PPFIA2: variants seen among roughly 807,000 people sequenced by gnomAD.
The protein encoded by PPFIA2 is PPFI scaffold protein A2.
In PPFIA2, 46 loss-of-function variants were observed where a neutral mutation model predicts 175.5. The observed-to-expected ratio is 0.26, with a 90% CI of 0.21 to 0.34. The LOEUF (loss-of-function observed/expected upper bound fraction) is 0.34, where lower values mean the gene tolerates loss of function less well. Ranked by LOEUF, PPFIA2 falls within the 10% of genes least tolerant of loss-of-function variation. The pLI, the probability that PPFIA2 is intolerant of heterozygous loss-of-function variation, is 1.00. For missense variants in PPFIA2, 1,179 were observed against 1,506.1 expected (o/e 0.78, Z 3.60); for synonymous variants, 568 against 511.4 (o/e 1.11, Z -1.49).
At chr12:81,686,004 C>T (rs1168892812) in intron 3 of PPFIA2, among the ~76,000 whole-genome samples, 3 of 151,904 alleles carry the variant, frequency 2.0e-5, no homozygotes, top group African/African-American at 7.2e-5. Context: ...ACAAAGGTCA[C>T]ACAGCCAATA....
rs543777459 is a variant in PPFIA2, at chr12:81,584,215, C to T, written c.303+92576G>A. On this transcript the variant is annotated intron_variant, in intron 4 of 32. Coordinates refer to ENST00000549396, the MANE Select transcript of PPFIA2 (RefSeq NM_003625.5). ...ATATTGTTGTTAAAACATGTGATTC[C>T]TTATATATTAAATATTTAACATTAA... Among the ~76,000 whole-genome samples, 157 of 151,694 alleles carry T rather than the reference C, an allele frequency of 1.0e-3. 1 individual carries two copies. Among genetic ancestry groups the T allele is most frequent in the Admixed American group, 2.5e-3 (38 of 15,144 alleles).
intron 4 of PPFIA2, among the ~76,000 whole-genome samples, chr12:81,623,093 A>G (rs2062253626): frequency 1.3e-5 from 2 of 152,100 alleles, no homozygotes; most frequent in Admixed American, 6.6e-5. Flanking sequence ...TATCTTGGGG[A>G]AAGAAGAAGT....
rs550534298 is a variant in PPFIA2, at chr12:81,412,361, A to G, written c.646-6458T>C. Among the ~76,000 whole-genome samples the G allele has an allele frequency of 1.8e-4, 27 of 149,142 alleles. No individual in the cohort carries two copies. The South Asian group carries it at 5.7e-3, about 31-fold the overall frequency. ...AAAAAAAAAAAAAAAAAAAGGAAGC[A>G]GTAGGACTACAATAACAAAATAGCA... On this transcript the variant is annotated intron_variant, in intron 7 of 32. Transcript: ENST00000549396.
chr12:81,729,641 A>T (rs1182064127), intron 3 of PPFIA2, among the ~76,000 whole-genome samples: 2 of 151,590 alleles, frequency 1.3e-5, no homozygotes, highest in Non-Finnish European at 3.0e-5. Context: ...AATTAAGGTT[A>T]CGGAATTTAA....
At chr12:81,559,580 G>A (rs774787163) in intron 4 of PPFIA2, among the ~76,000 whole-genome samples, 7 of 152,014 alleles carry the variant, frequency 4.6e-5, no homozygotes, top group African/African-American at 7.2e-5. Flanking sequence ...AATTATAAAC[G>A]TACCATTAGA....
intron 4 of PPFIA2, among the ~76,000 whole-genome samples, chr12:81,628,878 C>A (rs1180234755): frequency 6.6e-6 from 1 of 152,090 alleles, no homozygotes; most frequent in Non-Finnish European, 1.5e-5. Context: ...CTTTTTAGAG[C>A]AAAGGGATCC....
At chr12:81,490,197 T>C (rs1422077959) in intron 4 of PPFIA2, among the ~76,000 whole-genome samples, 2 of 151,946 alleles carry the variant, frequency 1.3e-5, no homozygotes, top group African/African-American at 4.8e-5. Context: ...CTCGTGGAGT[T>C]TTAGGAGTTA....
intron 4 of PPFIA2, among the ~76,000 whole-genome samples, chr12:81,516,275 T>C (rs2062428406): frequency 6.6e-6 from 1 of 152,244 alleles, no homozygotes; most frequent in Admixed American, 6.5e-5. Flanking sequence ...AGAGTTCTTG[T>C]TGAGATTAAA....
intron 4 of PPFIA2, among the ~76,000 whole-genome samples, chr12:81,595,533 C>G (rs2059151470): frequency 6.6e-6 from 1 of 151,840 alleles, no homozygotes; most frequent in South Asian, 2.1e-4. Flanking sequence ...ACTGCAGGCA[C>G]AAGTATATTC....
At chr12:81,327,661 T>C (rs994583020) in intron 21 of PPFIA2, among the ~76,000 whole-genome samples, 1 of 152,110 alleles carries the variant, frequency 6.6e-6, no homozygotes, top group African/African-American at 2.4e-5. Flanking sequence ...GGTGGCTAGA[T>C]GAATCAGGCT....
At chr12:81,497,102 T>C (rs1183080502) in intron 4 of PPFIA2, among the ~76,000 whole-genome samples, 3 of 152,220 alleles carry the variant, frequency 2.0e-5, no homozygotes, top group African/African-American at 4.8e-5. Flanking sequence ...TAACTCATGC[T>C]TGGTTCTTCA....
At chr12:81,553,193 A>G (rs2068238171) in intron 4 of PPFIA2, among the ~76,000 whole-genome samples, 1 of 152,024 alleles carries the variant, frequency 6.6e-6, no homozygotes, top group African/African-American at 2.4e-5. Flanking sequence ...AATGAATAGG[A>G]TTTAGCCAGA....
At chr12:81,481,465 C>T (rs148586483) in intron 4 of PPFIA2, among the ~76,000 whole-genome samples, 58 of 152,156 alleles carry the variant, frequency 3.8e-4, no homozygotes, top group African/African-American at 1.3e-3. Context: ...CAAAGCTGGA[C>T]ACATCATGCT....
chr12:81,449,349 G>A (rs12426725), intron 5 of PPFIA2, among the ~76,000 whole-genome samples: 28,260 of 151,970 alleles, frequency 0.19, 2,917 homozygotes, highest in African/African-American at 0.27. Flanking sequence ...TATTAAAGAG[G>A]AGGCAGTTTT....
intron 4 of PPFIA2, among the ~76,000 whole-genome samples, chr12:81,635,848 C>T (rs903394205): frequency 6.6e-6 from 1 of 152,090 alleles, no homozygotes; most frequent in African/African-American, 2.4e-5. Flanking sequence ...GTATCAAAGT[C>T]ACACTTTAAG....
chr12:81,454,221 A>G (rs1271980520), intron 5 of PPFIA2, among the ~76,000 whole-genome samples: 27 of 152,356 alleles, frequency 1.8e-4, no homozygotes, highest in Admixed American at 1.8e-3. Context: ...TCGTCTCAAA[A>G]GAATTAAAAA....
chr12:81,546,767 T>A (rs1298580858), intron 4 of PPFIA2, among the ~76,000 whole-genome samples: 1 of 152,134 alleles, frequency 6.6e-6, no homozygotes, highest in Non-Finnish European at 1.5e-5. Flanking sequence ...CTGGGCTTTT[T>A]AAAAATATTT....
At chr12:81,282,063 G>C (rs925032727) in intron 26 of PPFIA2, among the ~76,000 whole-genome samples, 1 of 151,894 alleles carries the variant, frequency 6.6e-6, no homozygotes, top group East Asian at 1.9e-4. Flanking sequence ...AAGCAGGACA[G>C]GATCAAAAAC....
At chr12:81,301,063 T>C (rs1484707908) in intron 22 of PPFIA2, among the ~76,000 whole-genome samples, 1 of 152,064 alleles carries the variant, frequency 6.6e-6, no homozygotes, top group African/African-American at 2.4e-5. Context: ...GTATGTCATT[T>C]TAGAAAAGGG....
Sources: allele counts gnomAD v4.1 joint callset (sites outside exome capture counted in the v4.1 genomes callset), GRCh38; gene constraint gnomAD v4.1.1; transcripts MANE v1.5; gene names NCBI Gene and HGNC (gene_info 2026-07-23, HGNC 2026-07-21).